The following KDM5B variants were observed in gnomAD, a reference collection of about 807,000 sequenced individuals.
KDM5B encodes the protein lysine-specific demethylase 5B.
KDM5B carries 144 observed loss-of-function variants against 193.4 expected under a neutral mutation model. That is an observed-to-expected ratio of 0.74 (90% CI 0.65 to 0.86). The LOEUF is 0.86. KDM5B is among the 40% of genes least tolerant of loss of function. The pLI is 0.00. For missense variants in KDM5B, 1,833 were observed against 1,886.9 expected (o/e 0.97, Z 0.53); for synonymous variants, 668 against 682.6 (o/e 0.98, Z 0.33).
chr1:202,769,341 G>A (rs1027177246), intron 4 of KDM5B, among the ~76,000 whole-genome samples: 7 of 150,484 alleles, frequency 4.7e-5, no homozygotes, highest in Non-Finnish European at 1.0e-4. Context: ...CGGCCGCCTG[G>A]CCTATTATAT....
At chr1:202,764,490 C>T (rs1431717850) in intron 5 of KDM5B, among the ~76,000 whole-genome samples, 1 of 151,994 alleles carries the variant, frequency 6.6e-6, no homozygotes, top group Non-Finnish European at 1.5e-5. Context: ...CAAAAAGTAG[C>T]CGGGCATGGT....
At chr1:202,750,868 T>A in intron 12 of KDM5B, 90 bp from the exon 13 acceptor site, 1 of 1,348,912 alleles carries the variant, frequency 7.4e-7, no homozygotes, top group Non-Finnish European at 1.0e-6. Flanking sequence ...TAGATAATTT[T>A]CAAAAAAAGG....
intron 1 of KDM5B, among the ~76,000 whole-genome samples, chr1:202,801,220 C>T (rs1658059835): frequency 6.6e-6 from 1 of 151,206 alleles, no homozygotes; most frequent in African/African-American, 2.4e-5. Context: ...ACGGGTCTGG[C>T]AGAACAAAAT....
intron 26 of KDM5B, 68 bp downstream of exon 26, chr1:202,729,639 T>G: frequency 3.0e-6 from 4 of 1,349,720 alleles, no homozygotes; most frequent in Non-Finnish European, 4.1e-6. Flanking sequence ...CCCAGCGAGA[T>G]GAGGTCTAGC....
Position 202,728,080 on chromosome 1 carries a change from C to T in KDM5B, c.*956G>A, listed in dbSNP as rs1224270096. ...CCTAATGTTGTTTGCAGGCTAACATCCACTGCTACTGCAACCTGGTTGGGC... is the reference window on the plus strand; with the variant it reads ...CCTAATGTTGTTTGCAGGCTAACATTCACTGCTACTGCAACCTGGTTGGGC... On this transcript the variant is annotated 3_prime_UTR_variant, in exon 27 of 27. Transcript: ENST00000367265. 1 of 152,320 alleles carries T rather than the reference C, an allele frequency of 6.6e-6. No homozygotes were observed. Among genetic ancestry groups the T allele is most frequent in the Non-Finnish European group, 1.5e-5 (1 of 68,064 alleles). 9.4% of individuals were successfully genotyped at this position (152,320 alleles called of 1,614,324 possible). A position where few individuals can be genotyped will look rare whatever the true frequency, so the allele number is the denominator to read the frequency against.
intron 2 of KDM5B, 75 bp from the exon 3 acceptor site, chr1:202,774,810 T>G: frequency 6.9e-7 from 1 of 1,443,226 alleles, no homozygotes. Context: ...TTATTTTCTT[T>G]CACAGAATAT....
At position 202,728,309 on chromosome 1, in the gene KDM5B, T is replaced by C. The variant is rs1654747222; in HGVS notation, c.*727A>G. On this transcript the variant is annotated 3_prime_UTR_variant, in exon 27 of 27. Coordinates refer to ENST00000367265, the MANE Select transcript of KDM5B (RefSeq NM_006618.5). ...CAGGGAGAAAGCCAAAATACAGCTGTGGCAATTACTTACAGAGAAGTCTCT... is the reference window on the plus strand; with the variant it reads ...CAGGGAGAAAGCCAAAATACAGCTGCGGCAATTACTTACAGAGAAGTCTCT... The C allele has an allele frequency of 6.5e-6, 1 of 152,682 alleles. No individual in the cohort carries two copies. Among genetic ancestry groups the C allele is most frequent in the South Asian group, 2.1e-4 (1 of 4,832 alleles). The allele number at this position is 152,682 out of a possible 1,614,324, so 9.5% of individuals were successfully genotyped here.
intron 8 of KDM5B, among the ~76,000 whole-genome samples, chr1:202,759,289 G>A (rs900897455): frequency 1.4e-4 from 21 of 151,896 alleles, no homozygotes; most frequent in African/African-American, 5.1e-4. Flanking sequence ...CCTGTAATCC[G>A]GCACTTTGGG....
chr1:202,732,017 G>T (rs1462699489), intron 23 of KDM5B, 78 bp from the exon 24 acceptor site: 2 of 812,948 alleles, frequency 2.5e-6, no homozygotes, highest in Non-Finnish European at 3.8e-6. Context: ...ACAGTAGCTT[G>T]CATTACCCAG....
intron 17 of KDM5B, 54 bp from the exon 18 acceptor site, chr1:202,742,559 C>T: frequency 6.3e-7 from 1 of 1,596,408 alleles, no homozygotes; most frequent in South Asian, 1.1e-5. Flanking sequence ...ATGTCCACCA[C>T]ACCCAGGTGG....
intron 13 of KDM5B, among the ~76,000 whole-genome samples, 180 bp from the exon 14 acceptor site, chr1:202,749,319 T>A (rs1472100477): frequency 6.6e-6 from 1 of 152,046 alleles, no homozygotes; most frequent in Admixed American, 6.6e-5. Flanking sequence ...TTCCAACACT[T>A]TGGGAGGCCA....
chr1:202,795,970 G>A (rs1657829061), intron 1 of KDM5B: 1 of 153,016 alleles, frequency 6.5e-6, no homozygotes, highest in Admixed American at 6.6e-5. Flanking sequence ...GAGCTGTAAT[G>A]GGCCTGACCA....
intron 20 of KDM5B, among the ~76,000 whole-genome samples, chr1:202,740,115 C>CT (rs1207495509): frequency 6.8e-6 from 1 of 146,008 alleles, no homozygotes; most frequent in African/African-American, 2.6e-5. Flanking sequence ...TGACCCCCCC[C>CT]ACCTCCCTCC....
chr1:202,731,207 G>A (rs929107354), intron 24 of KDM5B, 144 bp from the exon 25 acceptor site: 12 of 640,256 alleles, frequency 1.9e-5, no homozygotes, highest in Non-Finnish European at 3.0e-5. Context: ...TTCAGTTGAA[G>A]TGAGGTTTAA....
chr1:202,774,759 T>C, intron 2 of KDM5B, 24 bp from the exon 3 acceptor site: 1 of 1,608,614 alleles, frequency 6.2e-7, no homozygotes, highest in Non-Finnish European at 8.5e-7. Context: ...AATTGAGTTT[T>C]CATCTCATTT....
intron 1 of KDM5B, among the ~76,000 whole-genome samples, chr1:202,779,303 C>T (rs921020928): frequency 2.0e-5 from 3 of 151,906 alleles, no homozygotes; most frequent in African/African-American, 4.8e-5. Flanking sequence ...GTCAGGAGAT[C>T]AAGACCATCC....
chr1:202,801,540 T>A (rs1221160785), intron 1 of KDM5B, among the ~76,000 whole-genome samples: 4 of 152,184 alleles, frequency 2.6e-5, no homozygotes, highest in African/African-American at 9.7e-5. Flanking sequence ...AAAAAGCAAA[T>A]TCAAAGAATT....
At position 202,735,562 on chromosome 1, in the gene KDM5B, C is replaced by T. The variant is rs1358337196; in HGVS notation, c.3290G>A (p.Gly1097Asp). Residue 1097 changes from glycine (G) to aspartate (D), a missense_variant, in exon 22 of 27, where the codon GGC becomes GAC. This residue lies in a region of KDM5B where 1,379 missense variants were observed against 1,349.6 expected (regional missense o/e 1.02). Coordinates refer to ENST00000367265, the MANE Select transcript of KDM5B (RefSeq NM_006618.5). ...CTGCTTCCTTTTCAATCCCAAAAGG[C>T]CAATATCACATCGAGGACACAGCAC... is the stretch of plus-strand genomic sequence containing the variant. ...LEVLCPRCDI[G>D]LLGLKRKQRK... is the part of the protein sequence containing the mutation. The T allele has an allele frequency of 1.2e-6, 2 of 1,613,876 alleles. No homozygotes were observed. The highest frequency in any genetic ancestry group is 1.7e-5 in the Admixed American group (1 of 60,012).
chr1:202,733,469 G>T lies in KDM5B; in HGVS notation c.3841C>A (p.Arg1281=). ...CTATATAACAGTCCTGAGCCCACTC[G>T]ATCTTGCACAAATTTAAGATTCCCT... ...SSGNLKFVQD[R]VGSGLLYSRW... The change falls in exon 23 of 27, where the codon CGA becomes AGA. Residue 1281 remains arginine (R), a synonymous_variant. Coordinates refer to ENST00000367265, the MANE Select transcript of KDM5B (RefSeq NM_006618.5). The T allele has an allele frequency of 1.9e-6, 3 of 1,614,090 alleles. No homozygotes were observed. Among genetic ancestry groups the T allele is most frequent in the South Asian group, 1.1e-5 (1 of 91,068 alleles).
Sources: allele counts gnomAD v4.1 joint callset (sites outside exome capture counted in the v4.1 genomes callset), GRCh38; gene constraint gnomAD v4.1.1; regional missense constraint gnomAD v4.1.1; transcripts MANE v1.5; gene names NCBI Gene and HGNC (gene_info 2026-07-23, HGNC 2026-07-21).